FDX1: variants seen among roughly 807,000 people sequenced by gnomAD.
The protein encoded by FDX1 is adrenodoxin, mitochondrial.
FDX1 carries 9 observed loss-of-function variants against 14.9 expected under a neutral mutation model. The ratio of observed to expected loss-of-function variants is 0.60; its 90% CI spans 0.36 to 1.05. The LOEUF (loss-of-function observed/expected upper bound fraction) is 1.05. Ranked by LOEUF, FDX1 falls within the 50% of genes least tolerant of loss-of-function variation. FDX1 has a pLI of 0.01. For synonymous variants in FDX1, 92 were observed against 99.4 expected (o/e 0.93, Z 0.44); for missense variants, 204 against 237.2 (o/e 0.86, Z 0.92).
chr11:110,438,952 A>G (rs1008165100), intron 2 of FDX1, among the ~76,000 whole-genome samples: 1 of 151,876 alleles, frequency 6.6e-6, no homozygotes, highest in Non-Finnish European at 1.5e-5. Flanking sequence ...CGCCCAGGCT[A>G]GAGTGCAATG....
intron 2 of FDX1, among the ~76,000 whole-genome samples, chr11:110,453,029 A>C (rs1290123173): frequency 6.6e-6 from 1 of 152,204 alleles, no homozygotes; most frequent in Non-Finnish European, 1.5e-5. Context: ...ACACAAGTCT[A>C]TACATACATT....
chr11:110,433,009 T>A (rs1286794000), intron 1 of FDX1, among the ~76,000 whole-genome samples: 1 of 152,220 alleles, frequency 6.6e-6, no homozygotes, highest in Non-Finnish European at 1.5e-5. Flanking sequence ...ATGTGTTACG[T>A]ATTTTGCATA....
At chr11:110,451,788 T>C (rs906596283) in intron 2 of FDX1, among the ~76,000 whole-genome samples, 2 of 152,228 alleles carry the variant, frequency 1.3e-5, no homozygotes, top group Non-Finnish European at 2.9e-5. Context: ...TGCAGGGACA[T>C]GGATGGAGCT....
chr11:110,444,728 ATATATATATATATATACACG>A (rs1565382040), intron 2 of FDX1, among the ~76,000 whole-genome samples: 1,744 of 67,564 alleles, frequency 0.026, 211 homozygotes, highest in African/African-American at 0.1. Flanking sequence ...ATATACGTAT[ATATATATATATATATACACG>A]TATATATATA....
Position 110,463,630 on chromosome 11 carries a change from T to G in FDX1, c.*1162T>G, listed in dbSNP as rs996115531. ...TAGCTTCATGTGTATTATTGCAGCT[T>G]GATCATTTATATAAATATTTGTCTA... On this transcript the variant is annotated 3_prime_UTR_variant, in exon 4 of 4. Transcript: ENST00000260270. 21 of 152,234 alleles carry G rather than the reference T, an allele frequency of 1.4e-4. No individual in the cohort carries two copies. Among genetic ancestry groups the G allele is most frequent in the Admixed American group, 1.4e-3 (21 of 15,282 alleles). The allele number at this position is 152,234 out of a possible 1,614,324, so 9.4% of individuals were successfully genotyped here.
At chr11:110,447,211 C>T (rs1376732226) in intron 2 of FDX1, among the ~76,000 whole-genome samples, 1 of 132,406 alleles carries the variant, frequency 7.6e-6, no homozygotes, top group Non-Finnish European at 1.5e-5. Context: ...GGGCGGATCA[C>T]GAGGTCAAGA....
chr11:110,448,851 G>A (rs1293510494), intron 2 of FDX1, among the ~76,000 whole-genome samples: 1 of 152,182 alleles, frequency 6.6e-6, no homozygotes. Flanking sequence ...TAAGCTGGCA[G>A]GCTGTGTGAG....
chr11:110,464,350 G>A lies in FDX1; in HGVS notation c.*1882G>A, dbSNP rs1946579871. 1 of 152,330 alleles carries A rather than the reference G, an allele frequency of 6.6e-6. No homozygotes were observed. Among genetic ancestry groups the A allele is most frequent in the Admixed American group, 6.5e-5 (1 of 15,284 alleles). 9.4% of individuals were successfully genotyped at this position (152,330 alleles called of 1,614,324 possible). A position where few individuals can be genotyped will look rare whatever the true frequency, so the allele number is the denominator to read the frequency against. ...GTTCTGGAGGCTGGGAGGTCCAAGA[G>A]CATGGTACCAGCATCTGCTTGGCAT... is the stretch of plus-strand genomic sequence containing the variant. On this transcript the variant is annotated 3_prime_UTR_variant, in exon 4 of 4. Transcript: ENST00000260270.
At chr11:110,452,452 A>T (rs1162352290) in intron 2 of FDX1, among the ~76,000 whole-genome samples, 1 of 152,166 alleles carries the variant, frequency 6.6e-6, no homozygotes, top group Non-Finnish European at 1.5e-5. Flanking sequence ...TTCACCAAGG[A>T]GAATTTAGAG....
At chr11:110,443,436 T>C (rs900118736) in intron 2 of FDX1, among the ~76,000 whole-genome samples, 1 of 148,794 alleles carries the variant, frequency 6.7e-6, no homozygotes, top group African/African-American at 2.5e-5. Flanking sequence ...CTTAATAATA[T>C]CCTTTTTTTT....
intron 2 of FDX1, among the ~76,000 whole-genome samples, chr11:110,455,295 C>T (rs1250392013): frequency 2.6e-5 from 4 of 151,850 alleles, no homozygotes; most frequent in South Asian, 4.2e-4. Flanking sequence ...CCACCGTGCC[C>T]GGCCTGTTTT....
chr11:110,429,977 A>G lies in FDX1; in HGVS notation c.-144A>G. 1 of 454,864 alleles carries G rather than the reference A, an allele frequency of 2.2e-6. No homozygotes were observed. The highest frequency in any genetic ancestry group is 2.1e-5 in the African/African-American group (1 of 48,724). The allele number at this position is 454,864 out of a possible 1,614,324, so 28.2% of individuals were successfully genotyped here. A position where few individuals can be genotyped will look rare whatever the true frequency, so the allele number is the denominator to read the frequency against. ...GGAACCTCGGCGCGGTGCTTCCAGC[A>G]GGGTCTCTCCGCCACTCCAGCCCCG... On this transcript the variant is annotated 5_prime_UTR_variant, in exon 1 of 4. Coordinates refer to ENST00000260270, the MANE Select transcript of FDX1 (RefSeq NM_004109.5).
chr11:110,436,818 G>A (rs183268402), intron 2 of FDX1, among the ~76,000 whole-genome samples: 2 of 151,892 alleles, frequency 1.3e-5, no homozygotes, highest in African/African-American at 4.8e-5. Context: ...GTTTTCCCAT[G>A]ATATATTAAA....
intron 2 of FDX1, among the ~76,000 whole-genome samples, chr11:110,456,418 C>T: frequency 6.6e-6 from 1 of 151,844 alleles, no homozygotes; most frequent in East Asian, 1.9e-4. Context: ...GGATTTCAAA[C>T]TCATGCGTGT....
chr11:110,445,034 T>TG (rs200553163), intron 2 of FDX1, among the ~76,000 whole-genome samples: 3,209 of 152,032 alleles, frequency 0.021, 109 homozygotes, highest in African/African-American at 0.069. Context: ...AAAATGATGT[T>TG]GGTAGTTTGA....
At chr11:110,436,055 C>T in intron 2 of FDX1, 97 bp downstream of exon 2, 6 of 1,014,556 alleles carry the variant, frequency 5.9e-6, no homozygotes, top group Non-Finnish European at 8.9e-6. Flanking sequence ...TAACCTATAG[C>T]ATGCTATGTA....
intron 2 of FDX1, among the ~76,000 whole-genome samples, chr11:110,453,972 T>C (rs777907119): frequency 6.6e-6 from 1 of 152,164 alleles, no homozygotes; most frequent in Non-Finnish European, 1.5e-5. Context: ...TAACAAAGGA[T>C]AAATTGTTGG....
chr11:110,439,097 G>A (rs1201564921), intron 2 of FDX1, among the ~76,000 whole-genome samples: 1 of 151,438 alleles, frequency 6.6e-6, no homozygotes, highest in African/African-American at 2.4e-5. Flanking sequence ...GTAGAGATAG[G>A]GTTTCACCAT....
intron 2 of FDX1, among the ~76,000 whole-genome samples, chr11:110,445,362 A>G (rs1279607648): frequency 6.6e-6 from 1 of 152,104 alleles, no homozygotes; most frequent in Non-Finnish European, 1.5e-5. Flanking sequence ...AGTTTTTAAA[A>G]GTATTTTTTT....
Sources: gnomAD v4.1 joint callset for allele counts (sites outside exome capture counted in the v4.1 genomes callset) on GRCh38, gnomAD v4.1.1 for gene constraint, MANE v1.5 for transcripts, NCBI Gene and HGNC (gene_info 2026-07-23, HGNC 2026-07-21) for gene names.